The following SLC22A12 variants were observed in gnomAD, a reference collection of about 807,000 sequenced individuals.
SLC22A12 encodes organic anion transporter 4-like protein.
A neutral mutation model predicts 52.7 loss-of-function variants in SLC22A12; 56 were observed. The ratio of observed to expected loss-of-function variants is 1.06; its 90% CI spans 0.86 to 1.33. The LOEUF (loss-of-function observed/expected upper bound fraction) is 1.33, where lower values mean the gene tolerates loss of function less well. Among genes scored for constraint, SLC22A12 ranks in the 40% most tolerant of loss-of-function variants. The pLI is 0.00. For missense variants in SLC22A12, 683 were observed against 741.5 expected (o/e 0.92, Z 0.92); for synonymous variants, 337 against 324.6 (o/e 1.04, Z -0.41).
intron 4 of SLC22A12, among the ~76,000 whole-genome samples, chr11:64,595,132 G>GATGGATGGTTGA (rs2039089145): frequency 7.5e-6 from 1 of 132,888 alleles, no homozygotes; most frequent in Non-Finnish European, 1.6e-5. Flanking sequence ...TGGATGGATG[G>GATGGATGGTTGA]ATGGTTGAAT....
intron 6 of SLC22A12, 79 bp from the exon 7 acceptor site, chr11:64,599,597 A>ACCCCCCCTTTTTC: frequency 1.1e-5 from 1 of 92,996 alleles, no homozygotes. Flanking sequence ...CTGAGCCCCC[A>ACCCCCCCTTTTTC]CCGCCCATTG....
Position 64,600,461 on chromosome 11 carries a change from C to G in SLC22A12, c.1380C>G (p.Phe460Leu), listed in dbSNP as rs1591404067. The change falls in exon 8 of 10, where the codon TTC becomes TTG. Residue 460 changes from phenylalanine to leucine, a missense_variant. Phe to Leu is a conservative substitution (Grantham distance 22, BLOSUM62 0). Transcript: ENST00000377574. ...TCITIYSSEL[F>L]PTVLRMTAVG... ...TCACCATCTACAGCAGCGAGCTCTT[C>G]CCCACTGTGCTCAGGTGAGGCTGGG... 2 of 1,603,792 alleles carry G rather than the reference C, an allele frequency of 1.2e-6. No individual in the cohort carries two copies. Among genetic ancestry groups the G allele is most frequent in the East Asian group, 4.5e-5 (2 of 44,792 alleles).
Position 64,591,469 on chromosome 11 carries a change from G to A in SLC22A12, c.-88G>A. ...AGAAGCCACTGTGGGCACCACCGTG[G>A]GGGAAACAGGCCCGTTGCCCTGGCC... On this transcript the variant is annotated 5_prime_UTR_variant, in exon 1 of 10. Transcript: ENST00000377574. 1.9e-6 allele frequency: 3 copies of A among 1,571,194 alleles called. No homozygotes were observed. The highest frequency in any genetic ancestry group is 2.6e-6 in the Non-Finnish European group (3 of 1,157,888).
Position 64,600,889 on chromosome 11 carries a change from G to C in SLC22A12, c.1549G>C (p.Glu517Gln). The C allele has an allele frequency of 6.2e-7, 1 of 1,609,638 alleles. No homozygotes were observed. The highest frequency in any genetic ancestry group is 8.5e-7 in the Non-Finnish European group (1 of 1,179,982). ...TGGCCTGGCCGCACTGCTTCTGCCC[G>C]AGACCCAGAGCTTGCCGCTGCCCGA... is the stretch of plus-strand genomic sequence containing the variant. ...LSGLAALLLP[E>Q]TQSLPLPDTI... The change falls in exon 9 of 10, where the codon GAG becomes CAG. Residue 517 changes from glutamate (E) to glutamine (Q), a missense_variant. By Grantham distance (29) the Glu-to-Gln change is conservative. Transcript: ENST00000377574.
intron 9 of SLC22A12, 115 bp from the exon 10 acceptor site, chr11:64,601,373 C>G (rs1368235174): frequency 7.5e-6 from 8 of 1,066,374 alleles, no homozygotes; most frequent in Non-Finnish European, 1.4e-6. Flanking sequence ...GAGCTCAGTT[C>G]TGGGCCCCCG....
rs752001164 is a variant in SLC22A12 at position 64,600,432 on chromosome 11, T to A, written c.1351T>A (p.Cys451Ser). The change falls in exon 8 of 10, where the codon TGC becomes AGC. Residue 451 changes from cysteine (C) to serine (S), a missense_variant. Transcript: ENST00000377574. ...GGGCGGGGTGGGGGCTGCCTTCACCTGCATCACCATCTACAGCAGCGAGCT... is the reference window on the plus strand; with the variant it reads ...GGGCGGGGTGGGGGCTGCCTTCACCAGCATCACCATCTACAGCAGCGAGCT... Reference protein sequence around the residue: ...GLGGVGAAFTCITIYSSELFP... With the variant: ...GLGGVGAAFTSITIYSSELFP... 1 of 1,608,084 alleles carries A rather than the reference T, an allele frequency of 6.2e-7. No homozygotes were observed. The highest frequency in any genetic ancestry group is 8.5e-7 in the Non-Finnish European group (1 of 1,179,318).
At chr11:64,598,689 C>G (rs758007251) in intron 5 of SLC22A12, 50 bp downstream of exon 5, 7 of 1,600,290 alleles carry the variant, frequency 4.4e-6, no homozygotes, top group Non-Finnish European at 6.0e-6. Context: ...TCTCCCTGCC[C>G]CTGCATAGGG....
At chr11:64,600,504 G>A in intron 8 of SLC22A12, 29 bp downstream of exon 8, 1 of 1,546,962 alleles carries the variant, frequency 6.5e-7, no homozygotes, top group Non-Finnish European at 8.8e-7. Context: ...TCCAGGAGAG[G>A]GGAGCCCTGG....
At chr11:64,599,574 G>A in intron 6 of SLC22A12, 102 bp from the exon 7 acceptor site, 1 of 782,946 alleles carries the variant, frequency 1.3e-6, no homozygotes. Context: ...GCTAAGAGCA[G>A]CACACCCCCA....
rs767327882 is a variant in SLC22A12 at position 64,599,889 on chromosome 11, C to T, written c.1284C>T (p.His428=). The T allele has an allele frequency of 1.8e-5, 29 of 1,612,068 alleles. No individual in the cohort carries two copies. The highest frequency in any genetic ancestry group is 5.3e-5 in the African/African-American group (4 of 74,852). Residue 428 remains histidine (H), a splice_region_variant and synonymous_variant, in exon 7 of 10, where the codon CAC becomes CAT. Transcript: ENST00000377574. ...LCILANTLVP[H]EMGALRSALA... ...TTCTGGCCAACACGCTGGTGCCCCA[C>T]GGTGAGGGGGCAAAGCTGTACACCA...
chr11:64,593,810 GC>G lies in SLC22A12; in HGVS notation c.830+8del. The G allele has an allele frequency of 6.2e-7, 1 of 1,602,772 alleles. No homozygotes were observed. The highest frequency in any genetic ancestry group is 8.5e-7 in the Non-Finnish European group (1 of 1,179,784). ...TCTGCTTTTTGTACTCCTGGTGGGT[GC>G]TGTGCCCCACTCCCCTCCTCAGAGG... On this transcript the variant is annotated splice_region_variant and intron_variant, in intron 4 of 9. Transcript: ENST00000377574.
chr11:64,595,023 T>TAGA (rs2039072611), intron 4 of SLC22A12, among the ~76,000 whole-genome samples: 1 of 11,694 alleles, frequency 8.6e-5, no homozygotes, highest in Admixed American at 1.8e-3. Flanking sequence ...GGATGGATGG[T>TAGA]TGGAATAGAT....
At chr11:64,594,514 GTAGGTAGGTAGA>G (rs747434939) in intron 4 of SLC22A12, among the ~76,000 whole-genome samples, 3,115 of 151,540 alleles carry the variant, frequency 0.021, 57 homozygotes, top group South Asian at 0.044. Context: ...AGGTAGGTAG[GTAGGTAGGTAGA>G]TAGATAGAGA....
At chr11:64,595,335 TTGAA>T (rs1464813971) in intron 4 of SLC22A12, among the ~76,000 whole-genome samples, 2 of 27,548 alleles carry the variant, frequency 7.3e-5, no homozygotes, top group Non-Finnish European at 7.3e-5. Context: ...GGATGGATGG[TTGAA>T]TGGATGGTTG....
chr11:64,601,536 A>C lies in SLC22A12; in HGVS notation c.1647A>C (p.Lys549Asn), dbSNP rs1337419762. 6.2e-7 allele frequency: 1 copy of C among 1,613,748 alleles called. No homozygotes were observed. The highest frequency in any genetic ancestry group is 1.3e-5 in the African/African-American group (1 of 74,866). Residue 549 changes from lysine (K) to asparagine (N), a missense_variant, in exon 10 of 10, where the codon AAA becomes AAC. Physicochemically the swap from Lys to Asn is moderately conservative, Grantham distance 94. Coordinates refer to ENST00000377574, the MANE Select transcript of SLC22A12 (RefSeq NM_144585.4). ...GCACGCTGGGGAACTCTGTCCTAAA[A>C]TCCACACAGTTTTAGCCTCCTGGGG... ...THGTLGNSVL[K>N]STQF
At chr11:64,599,542 A>T (rs2039371476) in intron 6 of SLC22A12, 134 bp from the exon 7 acceptor site, 1 of 674,232 alleles carries the variant, frequency 1.5e-6, no homozygotes, top group Non-Finnish European at 2.6e-6. Flanking sequence ...CAGAGCTGGC[A>T]GCTGAAGGGC....
Position 64,595,094 on chromosome 11 carries a change from AGGATGGATGGAT to A in SLC22A12, c.830+1322_830+1333del, listed in dbSNP as rs752538108. Among the ~76,000 whole-genome samples, 6 of 40,086 alleles carry A rather than the reference AGGATGGATGGAT, an allele frequency of 1.5e-4. No homozygotes were observed. In the East Asian group the frequency reaches 4.1e-3, roughly 28 times the overall value. The allele number at this position is 40,086 out of a possible 152,430, so 26.3% of individuals were successfully genotyped here. A position where few individuals can be genotyped will look rare whatever the true frequency, so the allele number is the denominator to read the frequency against. Reference sequence around the variant, plus strand: ...TGGATGGATAGATGGATAGATGGAAAGGATGGATGGATGGATGGATGGATGGATGGATGGATG... The same window carrying A: ...TGGATGGATAGATGGATAGATGGAAAGGATGGATGGATGGATGGATGGATG... On this transcript the variant is annotated intron_variant, in intron 4 of 9. Transcript: ENST00000377574.
chr11:64,598,021 C>T (rs900873436), intron 4 of SLC22A12, among the ~76,000 whole-genome samples: 1 of 152,074 alleles, frequency 6.6e-6, no homozygotes, highest in African/African-American at 2.4e-5. Flanking sequence ...AAGCTGTTTG[C>T]AGGAGGAAGA....
intron 7 of SLC22A12, 116 bp from the exon 8 acceptor site, chr11:64,600,251 C>T (rs546301736): frequency 3.5e-6 from 3 of 849,278 alleles, no homozygotes; most frequent in East Asian, 2.6e-5. Flanking sequence ...ATGGAGATGA[C>T]TCCCAAACAT....
Sources: allele counts gnomAD v4.1 joint callset (sites outside exome capture counted in the v4.1 genomes callset), GRCh38; gene constraint gnomAD v4.1.1; transcripts MANE v1.5; gene names NCBI Gene and HGNC (gene_info 2026-07-23, HGNC 2026-07-21).